SPIN1: variants seen among roughly 807,000 people sequenced by gnomAD.
The protein encoded by SPIN1 is spindlin 1, also known as spindlin-1.
Under a neutral mutation model 26.0 loss-of-function variants are expected in SPIN1, and 3 were observed. The observed-to-expected ratio is 0.12, with a 90% CI of 0.05 to 0.30. SPIN1 has a LOEUF of 0.30. Among genes scored for constraint, SPIN1 ranks in the 10% least tolerant of loss-of-function variants. SPIN1 has a pLI of 1.00. For synonymous variants in SPIN1, 101 were observed against 116.5 expected (o/e 0.87, Z 0.86); for missense variants, 126 against 333.4 (o/e 0.38, Z 4.84).
chr9:88,469,987 G>C (rs570827478), intron 5 of SPIN1, among the ~76,000 whole-genome samples: 2 of 151,988 alleles, frequency 1.3e-5, no homozygotes, highest in African/African-American at 2.4e-5. Context: ...TTTATTCTTC[G>C]AACCCCCTGG....
intron 3 of SPIN1, among the ~76,000 whole-genome samples, chr9:88,459,800 T>C (rs952191323): frequency 6.6e-6 from 1 of 152,226 alleles, no homozygotes; most frequent in Non-Finnish European, 1.5e-5. Flanking sequence ...ATCCCCTGCC[T>C]TCTGACATGT....
At chr9:88,405,389 C>T (rs541540952) in intron 1 of SPIN1, among the ~76,000 whole-genome samples, 74 of 149,980 alleles carry the variant, frequency 4.9e-4, no homozygotes, top group African/African-American at 1.7e-3. Context: ...CCACCATGCC[C>T]GGCTAATTCT....
intron 3 of SPIN1, among the ~76,000 whole-genome samples, chr9:88,461,676 A>G (rs1020249328): frequency 3.3e-5 from 5 of 152,174 alleles, no homozygotes; most frequent in African/African-American, 1.2e-4. Flanking sequence ...TTCTTGGCGT[A>G]TATCAGCATC....
chr9:88,439,948 A>T (rs184468532), intron 2 of SPIN1, among the ~76,000 whole-genome samples: 35 of 152,250 alleles, frequency 2.3e-4, no homozygotes, highest in African/African-American at 7.0e-4. Context: ...CTTAATTGGT[A>T]TATTTAGATC....
intron 1 of SPIN1, among the ~76,000 whole-genome samples, chr9:88,417,591 G>A (rs1450110190): frequency 6.6e-6 from 1 of 152,012 alleles, no homozygotes; most frequent in African/African-American, 2.4e-5. Flanking sequence ...TCCTTTCTCA[G>A]CCTCCCCTGT....
Position 88,431,292 on chromosome 9 carries a change from T to C in SPIN1, c.52+4701T>C, listed in dbSNP as rs1279200530. 7.5e-5 allele frequency among the ~76,000 whole-genome samples: 11 copies of C among 147,564 alleles called. 1 individual carries two copies. The highest frequency in any genetic ancestry group is 3.9e-4 in the East Asian group (2 of 5,100). On this transcript the variant is annotated intron_variant, in intron 2 of 5. Coordinates refer to ENST00000375859, the MANE Select transcript of SPIN1 (RefSeq NM_006717.3). ...CAAATATTTCTCTCTCTCTCTCTCT[T>C]TTTTTTTTTTTGAGATGGAGTCTCA...
rs557246735 is a variant in SPIN1 at position 88,410,727 on chromosome 9, A to G, written c.-158-15655A>G. ...TGCCAAAATCATTGTAGCTTCCACC[A>G]CCTCCAAAATTGCTTCCACCATTAC... On this transcript the variant is annotated intron_variant, in intron 1 of 5. Transcript: ENST00000375859. The G allele has an allele frequency of 1.5e-4, 209 of 1,414,396 alleles. 1 individual carries two copies. In the East Asian group the frequency reaches 4.1e-3, roughly 28 times the overall value. The allele number at this position is 1,414,396 out of a possible 1,614,324, so 87.6% of individuals were successfully genotyped here. A position where few individuals can be genotyped will look rare whatever the true frequency, so the allele number is the denominator to read the frequency against.
chr9:88,436,774 TTTTTTTTTG>T (rs1828008232), intron 2 of SPIN1, among the ~76,000 whole-genome samples: 1 of 101,572 alleles, frequency 9.8e-6, no homozygotes, highest in Non-Finnish European at 1.8e-5. Context: ...TTTTTTTTTT[TTTTTTTTTG>T]AGACGGAGTC....
chr9:88,420,715 G>A (rs1827652561), intron 1 of SPIN1, among the ~76,000 whole-genome samples: 1 of 152,186 alleles, frequency 6.6e-6, no homozygotes, highest in Non-Finnish European at 1.5e-5. Flanking sequence ...TTAGAGGGAT[G>A]GGGGTCTTCT....
chr9:88,443,674 T>C (rs1312372014), intron 2 of SPIN1, among the ~76,000 whole-genome samples: 1 of 152,200 alleles, frequency 6.6e-6, no homozygotes, highest in African/African-American at 2.4e-5. Context: ...GCTGTGGTAA[T>C]AGGTCTTTAG....
chr9:88,429,732 G>C (rs565590363), intron 2 of SPIN1, among the ~76,000 whole-genome samples: 112 of 152,236 alleles, frequency 7.4e-4, no homozygotes, highest in Non-Finnish European at 1.4e-3. Context: ...GATTACATCA[G>C]TGGCCATTGA....
chr9:88,430,755 T>G (rs2118042748), intron 2 of SPIN1, among the ~76,000 whole-genome samples: 1 of 152,382 alleles, frequency 6.6e-6, no homozygotes, highest in East Asian at 1.9e-4. Context: ...TTATGCCTAA[T>G]GACATTGGGT....
At chr9:88,392,481 T>C (rs1826946259) in intron 1 of SPIN1, among the ~76,000 whole-genome samples, 1 of 152,106 alleles carries the variant, frequency 6.6e-6, no homozygotes, top group Non-Finnish European at 1.5e-5. Flanking sequence ...GACATCTGGA[T>C]GGAGGGGAAA....
At chr9:88,466,804 C>G (rs1828678653) in intron 4 of SPIN1, among the ~76,000 whole-genome samples, 1 of 152,178 alleles carries the variant, frequency 6.6e-6, no homozygotes, top group African/African-American at 2.4e-5. Context: ...GTGGCGCCAT[C>G]TTGTCTCACT....
chr9:88,444,851 C>T (rs528927156), intron 2 of SPIN1, among the ~76,000 whole-genome samples: 3 of 151,990 alleles, frequency 2.0e-5, no homozygotes, highest in African/African-American at 4.8e-5. Flanking sequence ...CCAGCACGCC[C>T]GGCTAATTTT....
At chr9:88,471,392 C>T (rs772714547) in intron 5 of SPIN1, among the ~76,000 whole-genome samples, 17 of 151,878 alleles carry the variant, frequency 1.1e-4, no homozygotes, top group Middle Eastern at 3.4e-3. Flanking sequence ...CCTTGTTGCG[C>T]GGTGGCTCAC....
intron 4 of SPIN1, among the ~76,000 whole-genome samples, chr9:88,463,413 T>C (rs1828608177): frequency 6.6e-6 from 1 of 152,232 alleles, no homozygotes; most frequent in African/African-American, 2.4e-5. Context: ...TATTTTCTTA[T>C]TACAGTGATG....
rs138675755 is a variant in SPIN1, at chr9:88,396,882, G to A, written c.-159+8344G>A. On this transcript the variant is annotated intron_variant, in intron 1 of 5. Transcript: ENST00000375859. Reference sequence around the variant, plus strand: ...CTGAACTGAATACTGTAGACTATTGGAACACAGTGCTGTGTAGGTATTTAT... The same window carrying A: ...CTGAACTGAATACTGTAGACTATTGAAACACAGTGCTGTGTAGGTATTTAT... Among the ~76,000 whole-genome samples the A allele has an allele frequency of 2.8e-3, 419 of 152,150 alleles. 3 individuals are homozygous for A. The highest frequency in any genetic ancestry group is 9.4e-3 in the African/African-American group (390 of 41,526).
rs138868797 is a variant in SPIN1, at chr9:88,472,443, A to T, written c.590-2635A>T. Among the ~76,000 whole-genome samples, 284 of 151,680 alleles carry T rather than the reference A, an allele frequency of 1.9e-3. 1 individual carries two copies. Among genetic ancestry groups the T allele is most frequent in the Middle Eastern group, 3.4e-3 (1 of 294 alleles). On this transcript the variant is annotated intron_variant, in intron 5 of 5. Coordinates refer to ENST00000375859, the MANE Select transcript of SPIN1 (RefSeq NM_006717.3). ...GAGATGGCGTTTCACCATGTTGACC[A>T]GGCTGGTCTCGATCTCCTGACCTCA...
Sources: allele counts gnomAD v4.1 joint callset (sites outside exome capture counted in the v4.1 genomes callset), GRCh38; gene constraint gnomAD v4.1.1; transcripts MANE v1.5; gene names NCBI Gene and HGNC (gene_info 2026-07-23, HGNC 2026-07-21).